The following MRTFA variants were observed in gnomAD, a reference collection of about 807,000 sequenced individuals.
The protein encoded by MRTFA is myocardin-related transcription factor A.
In MRTFA, 20 loss-of-function variants were observed where a neutral mutation model predicts 83.5. The observed-to-expected ratio is 0.24, with a 90% CI of 0.17 to 0.35. MRTFA has a LOEUF of 0.35. Ranked by LOEUF, MRTFA falls within the 10% of genes least tolerant of loss-of-function variation. The pLI, the probability that MRTFA is intolerant of heterozygous loss-of-function variation, is 1.00. For missense variants in MRTFA, 1,200 were observed against 1,224.7 expected, an observed-to-expected ratio of 0.98 and a Z score of 0.30; for synonymous variants, 659 against 541.2, an observed-to-expected ratio of 1.22 and a Z score of -3.02.
intron 3 of MRTFA, among the ~76,000 whole-genome samples, chr22:40,502,038 C>T (rs2054491972): frequency 7.1e-6 from 1 of 140,388 alleles, no homozygotes; most frequent in Non-Finnish European, 1.6e-5. Context: ...GGGCTGACCC[C>T]CCCACCTCCC....
intron 2 of MRTFA, among the ~76,000 whole-genome samples, chr22:40,555,413 T>A (rs988147207): frequency 5.3e-5 from 8 of 152,038 alleles, no homozygotes. Context: ...AATATCTAGT[T>A]GTTTAAAAGT....
At chr22:40,425,486 TAGG>T (rs1231348610) in intron 7 of MRTFA, among the ~76,000 whole-genome samples, 4 of 152,212 alleles carry the variant, frequency 2.6e-5, no homozygotes, top group Admixed American at 2.6e-4. Flanking sequence ...GTGGCTCTCC[TAGG>T]AGCTCTTGCC....
chr22:40,540,776 C>CAA (rs11398739), intron 3 of MRTFA, among the ~76,000 whole-genome samples: 1,490 of 90,164 alleles, frequency 0.017, 46 homozygotes, highest in East Asian at 0.088. Context: ...GACTCTGTCT[C>CAA]AAAAAAAAAA....
At chr22:40,457,297 G>A (rs903254900) in intron 4 of MRTFA, among the ~76,000 whole-genome samples, 3 of 151,734 alleles carry the variant, frequency 2.0e-5, no homozygotes, top group Non-Finnish European at 2.9e-5. Flanking sequence ...CCCAGGAGGC[G>A]GAGGTTGCAG....
intron 1 of MRTFA, among the ~76,000 whole-genome samples, chr22:40,625,443 C>T (rs1602510095): frequency 7.0e-6 from 1 of 142,386 alleles, no homozygotes; most frequent in East Asian, 2.1e-4. Context: ...TAGCAAGGCC[C>T]TCTCTCTAAA....
intron 3 of MRTFA, among the ~76,000 whole-genome samples, chr22:40,542,462 G>T (rs1228036392): frequency 6.6e-6 from 1 of 152,040 alleles, no homozygotes; most frequent in Admixed American, 6.6e-5. Context: ...AATTATAGAA[G>T]TTCCATGACA....
chr22:40,607,748 T>C (rs2056335338), intron 1 of MRTFA, among the ~76,000 whole-genome samples: 1 of 152,202 alleles, frequency 6.6e-6, no homozygotes, highest in Non-Finnish European at 1.5e-5. Flanking sequence ...CAATCATACA[T>C]AGCCTGGCAC....
chr22:40,475,765 C>A (rs1184234168), intron 3 of MRTFA, among the ~76,000 whole-genome samples: 1 of 152,138 alleles, frequency 6.6e-6, no homozygotes, highest in Non-Finnish European at 1.5e-5. Flanking sequence ...ATCATAAGAG[C>A]AGAAAGATGG....
intron 2 of MRTFA, among the ~76,000 whole-genome samples, chr22:40,584,677 C>A (rs138185782): frequency 6.7e-6 from 1 of 149,612 alleles, no homozygotes. Context: ...TTGTGGTGAG[C>A]CAAAATCGCA....
intron 3 of MRTFA, among the ~76,000 whole-genome samples, chr22:40,503,486 C>T (rs2054531187): frequency 6.6e-6 from 1 of 152,184 alleles, no homozygotes; most frequent in Admixed American, 6.5e-5. Flanking sequence ...ACCGGGATTA[C>T]AAGTGTGAGC....
At chr22:40,617,156 AGGAAGGAG>A (rs1162686963) in intron 1 of MRTFA, among the ~76,000 whole-genome samples, 1,269 of 101,766 alleles carry the variant, frequency 0.012, 42 homozygotes, top group African/African-American at 0.049. Flanking sequence ...GAAGGAAGGA[AGGAAGGAG>A]GGAAGGAGGG....
intron 1 of MRTFA, among the ~76,000 whole-genome samples, chr22:40,620,691 A>G (rs1048099719): frequency 1.3e-5 from 2 of 152,124 alleles, no homozygotes; most frequent in African/African-American, 4.8e-5. Flanking sequence ...AGTGTGACTC[A>G]TGAATTCCTT....
intron 4 of MRTFA, among the ~76,000 whole-genome samples, chr22:40,458,059 A>G (rs1280546326): frequency 6.6e-6 from 1 of 152,216 alleles, no homozygotes; most frequent in East Asian, 1.9e-4. Flanking sequence ...TGTACCAAAT[A>G]TGACCAGTTT....
chr22:40,558,025 T>G (rs113646602), intron 2 of MRTFA, among the ~76,000 whole-genome samples: 24 of 151,218 alleles, frequency 1.6e-4, no homozygotes, highest in African/African-American at 5.6e-4. Context: ...CCACCTGCCT[T>G]GGCCTCCCAA....
intron 2 of MRTFA, among the ~76,000 whole-genome samples, chr22:40,577,954 A>G (rs1210135532): frequency 1.3e-5 from 2 of 150,850 alleles, no homozygotes; most frequent in African/African-American, 4.9e-5. Context: ...CTGAGAATTC[A>G]TGATCTTTTT....
rs1020577433 is a variant in MRTFA, at chr22:40,636,261, C to G, written c.-84+217G>C. ...GCACGACCGCGCCCGCCCGCCCGGC[C>G]CGGCCCGGGTCCCAGCCCCGGCACA... On this transcript the variant is annotated intron_variant, in intron 1 of 14. Transcript: ENST00000355630. 5.3e-5 allele frequency among the ~76,000 whole-genome samples: 8 copies of G among 152,198 alleles called. No homozygotes were observed. The South Asian group carries it at 6.2e-4, about 12-fold the overall frequency.
intron 1 of MRTFA, among the ~76,000 whole-genome samples, chr22:40,630,131 A>G (rs1205009498): frequency 6.6e-6 from 1 of 151,976 alleles, no homozygotes; most frequent in African/African-American, 2.4e-5. Context: ...TGGCCAACAT[A>G]TAGTGAAACC....
At chr22:40,527,229 T>C (rs948007258) in intron 3 of MRTFA, among the ~76,000 whole-genome samples, 3 of 151,956 alleles carry the variant, frequency 2.0e-5, no homozygotes, top group Non-Finnish European at 2.9e-5. Context: ...AGTTGTCACA[T>C]AGTCCTCTTT....
Position 40,411,110 on chromosome 22 carries a change from A to AAAAAGGAGGTCAAGCTGAAAT in MRTFA, c.*259_*279dup. The AAAAAGGAGGTCAAGCTGAAAT allele has an allele frequency of 2.9e-6, 1 of 339,224 alleles. No homozygotes were observed. The allele number at this position is 339,224 out of a possible 1,614,324, so 21.0% of individuals were successfully genotyped here. On this transcript the variant is annotated 3_prime_UTR_variant, in exon 15 of 15. Transcript: ENST00000355630. ...AGACAGACAGTGCCCCCTGACCTCA[A>AAAAAGGAGGTCAAGCTGAAAT]AAAAGGAGGTCAAGCTGAAATGGCC... is the stretch of plus-strand genomic sequence containing the variant.
Sources: allele counts gnomAD v4.1 joint callset (sites outside exome capture counted in the v4.1 genomes callset), GRCh38; gene constraint gnomAD v4.1.1; transcripts MANE v1.5; gene names NCBI Gene and HGNC (gene_info 2026-07-23, HGNC 2026-07-21).